Variants in NAV3 observed in about 807,000 individuals in gnomAD.
NAV3 encodes neuron navigator 3, also known as pore membrane and/or filament interacting like protein 1.
NAV3 carries 87 observed loss-of-function variants against 244.7 expected under a neutral mutation model. That is an observed-to-expected ratio of 0.36 (90% CI 0.30 to 0.42). NAV3 has a LOEUF of 0.42. Among genes scored for constraint, NAV3 ranks in the 20% least tolerant of loss-of-function variants. The probability of loss-of-function intolerance (pLI) is 1.00; values close to 1 mark genes in which losing one functional copy is unlikely to be tolerated. For synonymous variants in NAV3, 1,126 were observed against 1,042.2 expected, an observed-to-expected ratio of 1.08 and a Z score of -1.55; for missense variants, 2,663 against 2,893.3, an observed-to-expected ratio of 0.92 and a Z score of 1.83.
At chr12:78,105,845 T>G (rs138050744) in intron 12 of NAV3, among the ~76,000 whole-genome samples, 6 of 151,894 alleles carry the variant, frequency 4.0e-5, no homozygotes, top group African/African-American at 1.4e-4. Flanking sequence ...TTACTCATTC[T>G]GAAGTCATTG....
At chr12:77,741,318 A>T (rs1460040884) in intron 2 of NAV3, among the ~76,000 whole-genome samples, 1 of 152,038 alleles carries the variant, frequency 6.6e-6, no homozygotes, top group Non-Finnish European at 1.5e-5. Context: ...TATCCACTAC[A>T]TGTTATTATT....
chr12:77,716,178 A>G (rs994076681), intron 2 of NAV3, among the ~76,000 whole-genome samples: 4 of 152,012 alleles, frequency 2.6e-5, no homozygotes, highest in Non-Finnish European at 5.9e-5. Flanking sequence ...TTTTTTCTAA[A>G]TAAGAGTTTA....
intron 5 of NAV3, among the ~76,000 whole-genome samples, chr12:77,985,038 A>T (rs532932614): frequency 2.6e-5 from 4 of 152,220 alleles, no homozygotes; most frequent in African/African-American, 7.2e-5. Flanking sequence ...GGATGGTCTT[A>T]ATCTCCTGAC....
intron 3 of NAV3, among the ~76,000 whole-genome samples, chr12:77,963,672 C>T (rs1565965000): frequency 6.6e-6 from 1 of 152,112 alleles, no homozygotes; most frequent in Non-Finnish European, 1.5e-5. Flanking sequence ...CTTAGCTACT[C>T]AGGCAATAAT....
intron 1 of NAV3, among the ~76,000 whole-genome samples, chr12:77,895,298 G>T (rs1592925395): frequency 7.9e-6 from 1 of 126,544 alleles, no homozygotes; most frequent in Non-Finnish European, 1.6e-5. Flanking sequence ...TTTAAAATAG[G>T]TTTAGAATGA....
chr12:78,040,634 T>G (rs1157339857), intron 9 of NAV3, among the ~76,000 whole-genome samples: 5 of 152,158 alleles, frequency 3.3e-5, no homozygotes, highest in Admixed American at 1.3e-4. Context: ...CTTAAAAGTT[T>G]TCCTGGGGGA....
chr12:78,141,274 G>A (rs1482994842), intron 20 of NAV3, among the ~76,000 whole-genome samples: 2 of 67,838 alleles, frequency 2.9e-5, no homozygotes, highest in East Asian at 1.4e-3. Flanking sequence ...TTTTTGACAA[G>A]GAGAGTTTTT....
At chr12:77,927,025 A>G (rs1462774309) in intron 1 of NAV3, among the ~76,000 whole-genome samples, 1 of 152,194 alleles carries the variant, frequency 6.6e-6, no homozygotes, top group African/African-American at 2.4e-5. Flanking sequence ...ATGGTAGCTG[A>G]TTTTACTTTG....
intron 2 of NAV3, among the ~76,000 whole-genome samples, chr12:77,646,767 C>G (rs1429625847): frequency 6.6e-6 from 1 of 152,042 alleles, no homozygotes; most frequent in African/African-American, 2.4e-5. Flanking sequence ...AATCATTTCA[C>G]TATGTATATC....
At chr12:77,865,554 G>C (rs1231511011) in intron 1 of NAV3, among the ~76,000 whole-genome samples, 1 of 151,886 alleles carries the variant, frequency 6.6e-6, no homozygotes, top group Non-Finnish European at 1.5e-5. Flanking sequence ...ACTGCTGTTT[G>C]CAGTAATTAA....
chr12:77,837,358 G>A (rs1874834436), intron 1 of NAV3, among the ~76,000 whole-genome samples: 1 of 152,010 alleles, frequency 6.6e-6, no homozygotes, highest in East Asian at 1.9e-4. Context: ...ATGTAAGAAT[G>A]AGACCAAATG....
chr12:78,207,676 A>G (rs1377616709), intron 39 of NAV3, among the ~76,000 whole-genome samples: 2 of 152,224 alleles, frequency 1.3e-5, no homozygotes, highest in Non-Finnish European at 2.9e-5. Context: ...AATAGAAATG[A>G]TGAGTTTAGG....
chr12:78,196,576 G>A (rs1959178013), intron 34 of NAV3, among the ~76,000 whole-genome samples: 1 of 151,902 alleles, frequency 6.6e-6, no homozygotes, highest in African/African-American at 2.4e-5. Flanking sequence ...CAGCAAACTG[G>A]TTATCATATT....
chr12:77,835,994 T>A (rs1178298586), intron 1 of NAV3, among the ~76,000 whole-genome samples: 1 of 152,184 alleles, frequency 6.6e-6, no homozygotes, highest in Non-Finnish European at 1.5e-5. Flanking sequence ...AGTTGGAAAA[T>A]CCTCCACAAT....
At chr12:77,993,774 C>T (rs1308255739) in intron 5 of NAV3, among the ~76,000 whole-genome samples, 2 of 152,178 alleles carry the variant, frequency 1.3e-5, no homozygotes, top group Non-Finnish European at 2.9e-5. Flanking sequence ...TGATCCCACC[C>T]TGATTCCAAC....
intron 2 of NAV3, among the ~76,000 whole-genome samples, chr12:77,611,542 T>A (rs544982087): frequency 5.9e-5 from 9 of 151,936 alleles, no homozygotes; most frequent in African/African-American, 1.7e-4. Context: ...GCATAAAAAA[T>A]ATAAAATGAA....
At chr12:78,142,683 GTATA>G (rs1277554089) in intron 20 of NAV3, among the ~76,000 whole-genome samples, 1 of 71,580 alleles carries the variant, frequency 1.4e-5, no homozygotes, top group Admixed American at 1.9e-4. Context: ...ATATATATGT[GTATA>G]TATATACATA....
At chr12:77,585,938 G>C (rs1269933396) in intron 2 of NAV3, among the ~76,000 whole-genome samples, 2 of 152,212 alleles carry the variant, frequency 1.3e-5, no homozygotes, top group Non-Finnish European at 2.9e-5. Context: ...CGAGGCAGAA[G>C]GATCACGAGG....
intron 2 of NAV3, among the ~76,000 whole-genome samples, chr12:77,757,952 C>T (rs536473837): frequency 7.9e-5 from 12 of 152,280 alleles, no homozygotes; most frequent in African/African-American, 2.6e-4. Flanking sequence ...CTCTTTGTAT[C>T]CTACAAACTT....
Sources: allele counts gnomAD v4.1 joint callset (sites outside exome capture counted in the v4.1 genomes callset), GRCh38; gene constraint gnomAD v4.1.1; transcripts MANE v1.5; gene names NCBI Gene and HGNC (gene_info 2026-07-23, HGNC 2026-07-21).